The following ERC2 variants were observed in gnomAD, a reference collection of about 807,000 sequenced individuals.
ERC2 encodes ELKS/RAB6-interacting/CAST family member 2.
In ERC2, 42 loss-of-function variants were observed where a neutral mutation model predicts 114.8. That is an observed-to-expected ratio of 0.37 (90% CI 0.29 to 0.47). The LOEUF (loss-of-function observed/expected upper bound fraction) is 0.47, where lower values mean the gene tolerates loss of function less well. Ranked by LOEUF, ERC2 falls within the 20% of genes least tolerant of loss-of-function variation. The pLI, the probability that ERC2 is intolerant of heterozygous loss-of-function variation, is 0.99. For synonymous variants in ERC2, 454 were observed against 425.5 expected, an observed-to-expected ratio of 1.07 and a Z score of -0.82; for missense variants, 939 against 1,150.7, an observed-to-expected ratio of 0.82 and a Z score of 2.66.
At chr3:56,289,589 G>T (rs944302342) in intron 3 of ERC2, among the ~76,000 whole-genome samples, 106 of 152,260 alleles carry the variant, frequency 7.0e-4, no homozygotes, top group African/African-American at 2.4e-3. Flanking sequence ...AGTTTCAGCT[G>T]CTCCAAACTC....
At chr3:55,901,964 T>G (rs886449527) in intron 13 of ERC2, among the ~76,000 whole-genome samples, 1 of 152,220 alleles carries the variant, frequency 6.6e-6, no homozygotes, top group Admixed American at 6.5e-5. Context: ...GATAAAAATG[T>G]CATAATTGTG....
chr3:55,945,993 CA>C (rs2067101210), intron 13 of ERC2, among the ~76,000 whole-genome samples: 1 of 150,888 alleles, frequency 6.6e-6, no homozygotes, highest in Non-Finnish European at 1.5e-5. Context: ...AAAATGCAGC[CA>C]AAATCTACAA....
At chr3:56,234,868 C>A (rs2050842067) in intron 3 of ERC2, among the ~76,000 whole-genome samples, 1 of 152,220 alleles carries the variant, frequency 6.6e-6, no homozygotes, top group Non-Finnish European at 1.5e-5. Flanking sequence ...CCAAACACCT[C>A]CCATTAGACT....
intron 13 of ERC2, among the ~76,000 whole-genome samples, chr3:55,900,879 A>G (rs1307710040): frequency 3.3e-5 from 5 of 152,368 alleles, no homozygotes; most frequent in Admixed American, 1.3e-4. Flanking sequence ...TGATTCTCAC[A>G]TATTCCCAAA....
At chr3:56,218,734 C>T (rs2049682219) in intron 3 of ERC2, among the ~76,000 whole-genome samples, 1 of 152,132 alleles carries the variant, frequency 6.6e-6, no homozygotes, top group African/African-American at 2.4e-5. Flanking sequence ...GACTTGGAAC[C>T]AACCCAAATG....
At chr3:56,319,501 A>C in intron 2 of ERC2, among the ~76,000 whole-genome samples, 1 of 152,172 alleles carries the variant, frequency 6.6e-6, no homozygotes, top group Non-Finnish European at 1.5e-5. Flanking sequence ...TTGCTATGCA[A>C]CTGGTATAGA....
chr3:56,214,643 C>T (rs557782124), intron 3 of ERC2, among the ~76,000 whole-genome samples: 124 of 151,872 alleles, frequency 8.2e-4, no homozygotes, highest in Middle Eastern at 3.4e-3. Context: ...TTACAGAGAA[C>T]GCCACAAAGA....
intron 2 of ERC2, among the ~76,000 whole-genome samples, chr3:56,359,149 T>A (rs752240292): frequency 2.6e-5 from 4 of 152,248 alleles, no homozygotes; most frequent in Non-Finnish European, 4.4e-5. Flanking sequence ...AATATCATCA[T>A]GCCTCATGTA....
intron 3 of ERC2, among the ~76,000 whole-genome samples, chr3:56,257,536 A>G (rs1293240204): frequency 6.6e-6 from 1 of 152,216 alleles, no homozygotes; most frequent in Non-Finnish European, 1.5e-5. Context: ...AAAAACAGCA[A>G]TACTTGAGGA....
At chr3:55,727,559 G>A (rs2064997810) in intron 15 of ERC2, among the ~76,000 whole-genome samples, 1 of 152,064 alleles carries the variant, frequency 6.6e-6, no homozygotes, top group African/African-American at 2.4e-5. Flanking sequence ...CACCTGAAGA[G>A]CATCACAAAG....
intron 15 of ERC2, among the ~76,000 whole-genome samples, chr3:55,705,237 T>C (rs1576225881): frequency 6.6e-6 from 1 of 152,148 alleles, no homozygotes; most frequent in Admixed American, 6.5e-5. Context: ...TAAGGCTCCA[T>C]GGGTCAAACG....
At chr3:55,547,158 C>T (rs1356321717) in intron 17 of ERC2, among the ~76,000 whole-genome samples, 1 of 152,240 alleles carries the variant, frequency 6.6e-6, no homozygotes, top group Non-Finnish European at 1.5e-5. Context: ...GCACACGGCA[C>T]CTGTGAGCTG....
chr3:55,641,625 C>T (rs1036368158), intron 17 of ERC2, among the ~76,000 whole-genome samples: 6 of 139,854 alleles, frequency 4.3e-5, no homozygotes, highest in Non-Finnish European at 7.6e-5. Context: ...TGAATTGATG[C>T]AAGACTCTTG....
intron 14 of ERC2, among the ~76,000 whole-genome samples, chr3:55,822,368 T>A (rs2060158672): frequency 6.6e-6 from 1 of 152,194 alleles, no homozygotes; most frequent in Admixed American, 6.5e-5. Flanking sequence ...TGCTACAATA[T>A]AATCTTCAAG....
intron 14 of ERC2, among the ~76,000 whole-genome samples, chr3:55,846,098 G>C (rs7644330): frequency 3.3e-5 from 5 of 152,092 alleles, no homozygotes; most frequent in African/African-American, 9.7e-5. Context: ...TCACCCAAGT[G>C]CTAAGCCTAA....
At chr3:55,756,847 T>C (rs1463316797) in intron 14 of ERC2, among the ~76,000 whole-genome samples, 1 of 151,992 alleles carries the variant, frequency 6.6e-6, no homozygotes, top group African/African-American at 2.4e-5. Context: ...CCTTAAGAGT[T>C]CCCTCCCTCA....
intron 1 of ERC2, among the ~76,000 whole-genome samples, chr3:56,447,794 G>A (rs1271276471): frequency 5.3e-5 from 8 of 151,800 alleles, no homozygotes; most frequent in Non-Finnish European, 8.8e-5. Flanking sequence ...CCAGGCTGGA[G>A]TGCAGTGGTG....
chr3:55,710,261 G>A (rs756019054), intron 15 of ERC2, among the ~76,000 whole-genome samples: 1 of 152,034 alleles, frequency 6.6e-6, no homozygotes, highest in Non-Finnish European at 1.5e-5. Context: ...ATCATTTGCA[G>A]GTCTCCCCAC....
At chr3:56,382,563 T>A (rs779505266) in intron 2 of ERC2, among the ~76,000 whole-genome samples, 18 of 152,154 alleles carry the variant, frequency 1.2e-4, no homozygotes, top group Non-Finnish European at 1.9e-4. Context: ...CTGATCTATC[T>A]AAAGTATTTG....
Sources: gnomAD v4.1 joint callset for allele counts (sites outside exome capture counted in the v4.1 genomes callset) on GRCh38, gnomAD v4.1.1 for gene constraint, MANE v1.5 for transcripts, NCBI Gene and HGNC (gene_info 2026-07-23, HGNC 2026-07-21) for gene names.